Variants in SLIT3 observed in about 807,000 individuals in gnomAD.
SLIT3 encodes the protein slit homolog 3 protein.
SLIT3 carries 68 observed loss-of-function variants against 184.0 expected under a neutral mutation model. That is an observed-to-expected ratio of 0.37 (90% CI 0.30 to 0.45). The LOEUF is 0.45. Ranked by LOEUF, SLIT3 falls within the 20% of genes least tolerant of loss-of-function variation. SLIT3 has a pLI of 1.00. For missense variants in SLIT3, 1,707 were observed against 2,026.0 expected (o/e 0.84, Z 3.02); for synonymous variants, 831 against 828.6 (o/e 1.00, Z -0.05).
At chr5:169,139,282 G>T (rs934681276) in intron 4 of SLIT3, among the ~76,000 whole-genome samples, 4 of 152,210 alleles carry the variant, frequency 2.6e-5, no homozygotes, top group Non-Finnish European at 4.4e-5. Flanking sequence ...CTTAGGGTAG[G>T]CCAAAGGATC....
At chr5:169,263,725 C>T in intron 1 of SLIT3, 1 of 509,902 alleles carries the variant, frequency 2.0e-6, no homozygotes, top group Non-Finnish European at 4.0e-6. Context: ...CCAGCTGCTC[C>T]ATCTCGTGCT....
At chr5:168,986,051 C>T (rs767034661) in intron 4 of SLIT3, among the ~76,000 whole-genome samples, 3 of 152,180 alleles carry the variant, frequency 2.0e-5, no homozygotes, top group African/African-American at 2.4e-5. Context: ...TCCAGCCTCA[C>T]GAAGAAATGC....
intron 4 of SLIT3, among the ~76,000 whole-genome samples, chr5:169,189,587 T>C (rs1272583362): frequency 7.7e-6 from 1 of 130,528 alleles, no homozygotes; most frequent in Admixed American, 7.8e-5. Context: ...TATGCAGTAA[T>C]CTAAACTTTG....
At chr5:168,857,773 GA>G (rs571900152) in intron 5 of SLIT3, among the ~76,000 whole-genome samples, 42 of 152,104 alleles carry the variant, frequency 2.8e-4, no homozygotes, top group Admixed American at 4.6e-4. Context: ...CAGCAGGGTG[GA>G]AAAAAACACA....
At chr5:169,246,921 CAAAAAAAAAAAAAA>C (rs34365189) in intron 2 of SLIT3, among the ~76,000 whole-genome samples, 7 of 25,618 alleles carry the variant, frequency 2.7e-4, no homozygotes, top group South Asian at 2.1e-3. Context: ...GACTCTGTCT[CAAAAAAAAAAAAAA>C]AAAAAAAAAA....
chr5:168,900,211 T>C (rs941953231), intron 4 of SLIT3, among the ~76,000 whole-genome samples: 1 of 152,194 alleles, frequency 6.6e-6, no homozygotes, highest in African/African-American at 2.4e-5. Flanking sequence ...GTACAACCTC[T>C]ATGGAAAACA....
At chr5:168,754,172 C>T (rs1355799997) in intron 16 of SLIT3, among the ~76,000 whole-genome samples, 165 bp from the exon 17 acceptor site, 2 of 152,154 alleles carry the variant, frequency 1.3e-5, no homozygotes, top group Non-Finnish European at 2.9e-5. Context: ...CTTTGGTCTT[C>T]AGCATCTGGC....
intron 1 of SLIT3, among the ~76,000 whole-genome samples, chr5:169,259,784 T>C (rs532789740): frequency 1.3e-5 from 2 of 152,342 alleles, no homozygotes; most frequent in African/African-American, 4.8e-5. Flanking sequence ...TGTCATCTTT[T>C]GGGAGCCCAG....
intron 32 of SLIT3, among the ~76,000 whole-genome samples, chr5:168,680,403 C>T (rs149390987): frequency 6.6e-6 from 1 of 152,378 alleles, no homozygotes; most frequent in Admixed American, 6.5e-5. Context: ...TGAACAACAT[C>T]AGGCATGGAC....
At chr5:168,998,989 C>T (rs12656815) in intron 4 of SLIT3, among the ~76,000 whole-genome samples, 2 of 151,954 alleles carry the variant, frequency 1.3e-5, no homozygotes, top group Non-Finnish European at 2.9e-5. Context: ...TCATGGTTCA[C>T]TGCAGCCTCA....
At chr5:168,774,497 C>A in intron 12 of SLIT3, 119 bp from the exon 13 acceptor site, 1 of 1,079,812 alleles carries the variant, frequency 9.3e-7, no homozygotes, top group Non-Finnish European at 1.3e-6. Flanking sequence ...CAGCCTTGAG[C>A]TCCTGCTGCA....
chr5:169,199,088 A>C (rs1763834539), intron 3 of SLIT3, among the ~76,000 whole-genome samples: 1 of 152,062 alleles, frequency 6.6e-6, no homozygotes, highest in African/African-American at 2.4e-5. Flanking sequence ...AGGAGGTTGA[A>C]ATCGGAAGCA....
At chr5:169,225,165 C>T (rs1360541280) in intron 3 of SLIT3, among the ~76,000 whole-genome samples, 1 of 152,172 alleles carries the variant, frequency 6.6e-6, no homozygotes, top group East Asian at 1.9e-4. Context: ...GTATGACAAC[C>T]AGGGAGAGGC....
intron 4 of SLIT3, chr5:169,012,907 G>C (rs1472997443): frequency 6.6e-6 from 1 of 152,190 alleles, no homozygotes; most frequent in African/African-American, 2.4e-5. Context: ...CCTCTCTGAG[G>C]CTCACTTTCT....
chr5:169,244,827 C>T, intron 2 of SLIT3, 51 bp from the exon 3 acceptor site: 2 of 1,512,956 alleles, frequency 1.3e-6, no homozygotes, highest in African/African-American at 1.4e-5. Flanking sequence ...GCTCAGGGAC[C>T]CTCATACTAG....
At chr5:168,978,481 C>A (rs1430151284) in intron 4 of SLIT3, among the ~76,000 whole-genome samples, 1 of 152,182 alleles carries the variant, frequency 6.6e-6, no homozygotes, top group East Asian at 1.9e-4. Context: ...TTTTAAGGGC[C>A]TAGAGGTGAA....
In SLIT3 at chr5:168,891,678, A is replaced by C. The variant is rs140223108; in HGVS notation, c.414-8342T>G. 4.1e-3 allele frequency among the ~76,000 whole-genome samples: 630 copies of C among 152,328 alleles called. 4 individuals are homozygous for C. The highest frequency in any genetic ancestry group is 0.014 in the African/African-American group (596 of 41,584). On this transcript the variant is annotated intron_variant, in intron 4 of 35. Coordinates refer to ENST00000519560, the MANE Select transcript of SLIT3 (RefSeq NM_003062.4). ...ATAAGATGCTTGGTCCCAGGGGAGC[A>C]TTCTGACCAAAGGGAAAAAGGAAAA...
intron 4 of SLIT3, among the ~76,000 whole-genome samples, chr5:169,164,932 TCAGGCCCAGCAA>T (rs1451966050): frequency 1.3e-5 from 2 of 152,256 alleles, no homozygotes; most frequent in East Asian, 3.8e-4. Context: ...TGCCTGGGCT[TCAGGCCCAGCAA>T]GCAGCTTATT....
Position 168,684,087 on chromosome 5 carries a change from C to T in SLIT3, c.3565G>A (p.Asp1189Asn). 6.3e-7 allele frequency: 1 copy of T among 1,597,122 alleles called. No individual in the cohort carries two copies. Among genetic ancestry groups the T allele is most frequent in the Non-Finnish European group, 8.5e-7 (1 of 1,170,904 alleles). The change falls in exon 32 of 36, where the codon GAC (aspartate) becomes AAC (asparagine). Residue 1189 changes from aspartate (D) to asparagine (N), a missense_variant. By Grantham distance (23) the Asp-to-Asn change is conservative (BLOSUM62 1). Transcript: ENST00000519560. ...TAGAGAAGGATGCCGTTGTCCTTGT[C>T]AGTGGCCACCTGGAGAAAGCAGCCG... ...QANISLQVAT[D>N]KDNGILLYKG...
Sources: gnomAD v4.1 joint callset for allele counts (sites outside exome capture counted in the v4.1 genomes callset) on GRCh38, gnomAD v4.1.1 for gene constraint, MANE v1.5 for transcripts, NCBI Gene and HGNC (gene_info 2026-07-23, HGNC 2026-07-21) for gene names.